Variants in RYR2 observed in about 807,000 individuals in gnomAD.
RYR2 encodes the protein ryanodine receptor 2.
Under a neutral mutation model 601.1 loss-of-function variants are expected in RYR2, and 227 were observed. The ratio of observed to expected loss-of-function variants is 0.38; its 90% confidence interval spans 0.34 to 0.42. The LOEUF (loss-of-function observed/expected upper bound fraction) is 0.42, where lower values mean the gene tolerates loss of function less well. Ranked by LOEUF, RYR2 falls within the 10% of genes least tolerant of loss-of-function variation. The pLI is 1.00. For synonymous variants in RYR2, 2,223 were observed against 2,175.1 expected (o/e 1.02, Z -0.61); for missense variants, 4,646 against 6,156.5 (o/e 0.75, Z 8.21).
chr1:237,375,798 A>G lies in RYR2; in HGVS notation c.463+1003A>G, dbSNP rs12077186. Among the ~76,000 whole-genome samples, 960 of 152,338 alleles carry G rather than the reference A, an allele frequency of 6.3e-3. 16 individuals are homozygous for G. Among genetic ancestry groups the G allele is most frequent in the African/African-American group, 0.021 (859 of 41,582 alleles). On this transcript the variant is annotated intron_variant, in intron 7 of 104. Coordinates refer to ENST00000366574, the MANE Select transcript of RYR2 (RefSeq NM_001035.3). ...TTCTAGTTAATGTATTTCAGCACAC[A>G]GTTAAATGAGAAAGTTGTCAGTTCT...
intron 46 of RYR2, among the ~76,000 whole-genome samples, chr1:237,639,659 C>T (rs1320540928): frequency 6.6e-6 from 1 of 152,086 alleles, no homozygotes; most frequent in Non-Finnish European, 1.5e-5. Flanking sequence ...GAGTGTGATG[C>T]TTTGTTGAGG....
rs116719668 is a variant in RYR2, at chr1:237,720,120, A to T, written c.10554+1599A>T. Among the ~76,000 whole-genome samples the T allele has an allele frequency of 8.9e-3, 1,356 of 152,348 alleles. 16 individuals carry two copies. The highest frequency in any genetic ancestry group is 0.031 in the African/African-American group (1,273 of 41,572). ...ATTTGGAAATTTTTTATACCATTGA[A>T]TAAATTATTCATTTGTTTATAAAAC... On this transcript the variant is annotated intron_variant, in intron 73 of 104. Transcript: ENST00000366574.
chr1:237,729,104 C>T (rs866605737), intron 76 of RYR2, among the ~76,000 whole-genome samples: 1 of 152,102 alleles, frequency 6.6e-6, no homozygotes, highest in Non-Finnish European at 1.5e-5. Flanking sequence ...TCGCTTGTTC[C>T]TTGCCTCATA....
At position 237,755,639 on chromosome 1, in the gene RYR2, G is replaced by C. The variant is rs536490470; in HGVS notation, c.11146-649G>C. Among the ~76,000 whole-genome samples the C allele has an allele frequency of 2.6e-5, 4 of 152,172 alleles. No individual in the cohort carries two copies. The East Asian group carries it at 7.7e-4, about 29-fold the overall frequency. ...TTTCAGTGGTAGCTTAAGTGGAAAAGAATAAACTCCAGCCATTGCTCCAGC... is the reference window on the plus strand; with the variant it reads ...TTTCAGTGGTAGCTTAAGTGGAAAACAATAAACTCCAGCCATTGCTCCAGC... On this transcript the variant is annotated intron_variant, in intron 80 of 104. Transcript: ENST00000366574.
intron 92 of RYR2, among the ~76,000 whole-genome samples, chr1:237,790,680 G>A (rs1322177850): frequency 1.3e-5 from 2 of 151,998 alleles, no homozygotes; most frequent in Non-Finnish European, 2.9e-5. Flanking sequence ...AAGAGTTAAG[G>A]TCTTTTGTTA....
intron 48 of RYR2, among the ~76,000 whole-genome samples, chr1:237,647,833 A>G (rs1281073248): frequency 2.0e-5 from 3 of 152,228 alleles, no homozygotes; most frequent in Non-Finnish European, 2.9e-5. Context: ...TAGGGAACCT[A>G]CGGAGTGACT....
At chr1:237,376,915 A>G (rs1701082763) in intron 7 of RYR2, among the ~76,000 whole-genome samples, 1 of 152,190 alleles carries the variant, frequency 6.6e-6, no homozygotes, top group South Asian at 2.1e-4. Context: ...AATTGTTACA[A>G]TTGTCACGTC....
At chr1:237,566,337 C>T (rs540115303) in intron 27 of RYR2, among the ~76,000 whole-genome samples, 2 of 152,308 alleles carry the variant, frequency 1.3e-5, no homozygotes, top group East Asian at 3.9e-4. Context: ...GTCTCTCCAG[C>T]GCAAGCCCTG....
chr1:237,669,377 C>T (rs1004702873), intron 58 of RYR2, among the ~76,000 whole-genome samples: 4 of 152,166 alleles, frequency 2.6e-5, no homozygotes, highest in African/African-American at 9.6e-5. Flanking sequence ...GGCCCGTTCT[C>T]AATGAGCTGT....
Position 237,496,629 on chromosome 1 carries a change from C to T in RYR2, c.2080C>T (p.Arg694Ter), listed in dbSNP as rs1664103746. 1.9e-6 allele frequency: 3 copies of T among 1,613,800 alleles called. No homozygotes were observed. The highest frequency in any genetic ancestry group is 2.2e-5 in the East Asian group (1 of 44,882). ...PFVTAEATHL[R>*]VGWASTEGYS... ...TGTGACAGCTGAAGCAACTCACCTG[C>T]GAGTGGGCTGGGCTTCCACTGAAGG... Residue 694 changes from arginine to a stop codon, truncating the protein, a stop_gained, in exon 20 of 105, where the codon CGA becomes TGA. Transcript: ENST00000366574. LOFTEE classifies it high-confidence loss of function.
At position 237,654,422 on chromosome 1, in the gene RYR2, A is replaced by G; in HGVS notation, c.7965+8A>G. ...GATGCCCTGTCTCAAAAGGTAATTT[A>G]ATGGTTTGTGGGTTTGTTTGTATCA... On this transcript the variant is annotated splice_region_variant and intron_variant, in intron 52 of 104. Transcript: ENST00000366574. 1 of 1,613,644 alleles carries G rather than the reference A, an allele frequency of 6.2e-7. No individual in the cohort carries two copies. The highest frequency in any genetic ancestry group is 2.2e-5 in the East Asian group (1 of 44,852).
chr1:237,385,301 A>G (rs1436820409), intron 8 of RYR2, among the ~76,000 whole-genome samples: 1 of 152,252 alleles, frequency 6.6e-6, no homozygotes, highest in Non-Finnish European at 1.5e-5. Context: ...CACAAAATAC[A>G]CAAAATGCTG....
At chr1:237,142,532 G>T (rs1313729523) in intron 1 of RYR2, among the ~76,000 whole-genome samples, 1 of 152,168 alleles carries the variant, frequency 6.6e-6, no homozygotes, top group Non-Finnish European at 1.5e-5. Flanking sequence ...TGTACCACAG[G>T]GCATGGAGGA....
intron 24 of RYR2, among the ~76,000 whole-genome samples, chr1:237,519,154 C>T (rs758759243): frequency 2.0e-5 from 3 of 152,036 alleles, no homozygotes; most frequent in Non-Finnish European, 4.4e-5. Context: ...TTGTTTGTTT[C>T]TTGCATATTC....
chr1:237,685,012 G>A (rs891644361), intron 62 of RYR2, among the ~76,000 whole-genome samples: 1 of 151,926 alleles, frequency 6.6e-6, no homozygotes, highest in African/African-American at 2.4e-5. Flanking sequence ...GCCAAGTACT[G>A]TTGACAGAAC....
intron 58 of RYR2, among the ~76,000 whole-genome samples, chr1:237,670,803 CCCAAAT>C (rs1377044570): frequency 6.6e-6 from 1 of 152,130 alleles, no homozygotes; most frequent in African/African-American, 2.4e-5. Flanking sequence ...CATCCCAAAT[CCCAAAT>C]CCAAAAGCTT....
intron 17 of RYR2, among the ~76,000 whole-genome samples, chr1:237,490,290 A>G (rs1663182807): frequency 6.6e-6 from 1 of 152,260 alleles, no homozygotes; most frequent in South Asian, 2.1e-4. Context: ...TATGCAATAT[A>G]TCCATGTAAC....
intron 25 of RYR2, among the ~76,000 whole-genome samples, chr1:237,531,434 A>T (rs1417220337): frequency 1.3e-5 from 2 of 152,210 alleles, no homozygotes; most frequent in Middle Eastern, 3.2e-3. Flanking sequence ...TTATTTATTT[A>T]AACTTAAGTA....
At chr1:237,582,923 G>T (rs376683282) in intron 29 of RYR2, among the ~76,000 whole-genome samples, 8 of 133,130 alleles carry the variant, frequency 6.0e-5, no homozygotes, top group Non-Finnish European at 9.6e-5. Flanking sequence ...TTTTCTTTTG[G>T]ATATATATAT....
Sources: allele counts gnomAD v4.1 joint callset (sites outside exome capture counted in the v4.1 genomes callset), GRCh38; gene constraint gnomAD v4.1.1; transcripts MANE v1.5; gene names NCBI Gene and HGNC (gene_info 2026-07-23, HGNC 2026-07-21).